The following COG5 variants were observed in gnomAD, a reference collection of about 807,000 sequenced individuals.
The protein encoded by COG5 is component of oligomeric golgi complex 5, also known as conserved oligomeric Golgi complex subunit 5.
A neutral mutation model predicts 110.4 loss-of-function variants in COG5; 86 were observed. That is an observed-to-expected ratio of 0.78 (90% CI 0.65 to 0.93). The LOEUF (loss-of-function observed/expected upper bound fraction) is 0.93, where lower values mean the gene tolerates loss of function less well. Among genes scored for constraint, COG5 ranks in the 40% least tolerant of loss-of-function variants. The probability of loss-of-function intolerance (pLI) is 0.00; values close to 1 mark genes in which losing one functional copy is unlikely to be tolerated. For missense variants in COG5, 1,077 were observed against 987.0 expected (o/e 1.09, Z -1.22); for synonymous variants, 360 against 334.6 (o/e 1.08, Z -0.83).
intron 18 of COG5, 147 bp downstream of exon 18, chr7:107,236,303 T>C: frequency 3.1e-6 from 2 of 640,976 alleles, no homozygotes; most frequent in Non-Finnish European, 5.5e-6. Context: ...AACTCTCCCT[T>C]TTTTTTTTTA....
At chr7:107,494,091 T>G (rs1430563120) in intron 6 of COG5, among the ~76,000 whole-genome samples, 1 of 152,086 alleles carries the variant, frequency 6.6e-6, no homozygotes, top group Non-Finnish European at 1.5e-5. Context: ...TACAGAAATT[T>G]TATATACATA....
intron 14 of COG5, among the ~76,000 whole-genome samples, chr7:107,272,612 G>A (rs1804368810): frequency 6.6e-6 from 1 of 152,060 alleles, no homozygotes; most frequent in African/African-American, 2.4e-5. Context: ...ACTTGCAAAT[G>A]GAACTAAGTT....
At chr7:107,376,487 CTT>C (rs1298910310) in intron 7 of COG5, among the ~76,000 whole-genome samples, 1 of 151,644 alleles carries the variant, frequency 6.6e-6, no homozygotes, top group African/African-American at 2.4e-5. Flanking sequence ...GTGAAAAAGT[CTT>C]ATATATCTTT....
At chr7:107,343,911 AATGTTCAG>A (rs1250077352) in intron 10 of COG5, among the ~76,000 whole-genome samples, 1 of 151,998 alleles carries the variant, frequency 6.6e-6, no homozygotes, top group Non-Finnish European at 1.5e-5. Context: ...GTAGGCTTAA[AATGTTCAG>A]CATACCACAC....
At chr7:107,310,925 A>G (rs959004798) in intron 11 of COG5, among the ~76,000 whole-genome samples, 1 of 145,418 alleles carries the variant, frequency 6.9e-6, no homozygotes, top group African/African-American at 2.6e-5. Flanking sequence ...GCACATATGT[A>G]AAAAAAAAAA....
chr7:107,531,270 T>C (rs539272240), intron 5 of COG5, among the ~76,000 whole-genome samples: 5 of 152,298 alleles, frequency 3.3e-5, no homozygotes, highest in African/African-American at 1.2e-4. Context: ...AGTAGTTGGA[T>C]GCGGGCAGCT....
At chr7:107,485,360 GCTAA>G (rs1390698685) in intron 6 of COG5, among the ~76,000 whole-genome samples, 1 of 152,122 alleles carries the variant, frequency 6.6e-6, no homozygotes, top group African/African-American at 2.4e-5. Context: ...TACAATAAGA[GCTAA>G]CTGTGTTCTG....
intron 6 of COG5, among the ~76,000 whole-genome samples, chr7:107,441,148 A>G (rs1192947604): frequency 2.0e-5 from 3 of 149,192 alleles, no homozygotes; most frequent in Non-Finnish European, 3.0e-5. Flanking sequence ...CCAGCTACTC[A>G]GGAGGCTGAG....
intron 3 of COG5, among the ~76,000 whole-genome samples, chr7:107,548,601 G>A (rs1236081350): frequency 6.6e-6 from 1 of 152,188 alleles, no homozygotes; most frequent in Non-Finnish European, 1.5e-5. Context: ...TGATGGAAAA[G>A]TTATGGACCT....
chr7:107,297,684 T>C (rs942916376), intron 12 of COG5, among the ~76,000 whole-genome samples: 9 of 152,172 alleles, frequency 5.9e-5, no homozygotes, highest in African/African-American at 2.2e-4. Flanking sequence ...CCTGACCTAG[T>C]GATCCACTCT....
chr7:107,244,123 G>A (rs772539997), intron 17 of COG5, among the ~76,000 whole-genome samples: 17 of 151,730 alleles, frequency 1.1e-4, no homozygotes, highest in African/African-American at 3.9e-4. Flanking sequence ...GGGGTGGTGC[G>A]GGCCTGTAAT....
At chr7:107,544,299 C>T (rs924970884) in intron 5 of COG5, among the ~76,000 whole-genome samples, 2 of 152,178 alleles carry the variant, frequency 1.3e-5, no homozygotes, top group South Asian at 4.1e-4. Flanking sequence ...GTGCCAGCAA[C>T]TGGTTGGCTC....
At chr7:107,264,550 G>C (rs1031368910) in intron 14 of COG5, among the ~76,000 whole-genome samples, 1 of 151,966 alleles carries the variant, frequency 6.6e-6, no homozygotes, top group Admixed American at 6.6e-5. Flanking sequence ...AAATTAGCCA[G>C]GTGTGGTGGT....
chr7:107,235,682 G>A (rs1265537611), intron 18 of COG5, among the ~76,000 whole-genome samples: 5 of 152,188 alleles, frequency 3.3e-5, no homozygotes, highest in African/African-American at 7.2e-5. Context: ...CAACCTGGGC[G>A]ACAGAGCAAG....
At chr7:107,340,782 A>G (rs1811111527) in intron 10 of COG5, among the ~76,000 whole-genome samples, 1 of 152,210 alleles carries the variant, frequency 6.6e-6, no homozygotes, top group Non-Finnish European at 1.5e-5. Context: ...AACAAAAACC[A>G]TATGATCATC....
At chr7:107,298,076 AAG>A in intron 12 of COG5, 64 bp downstream of exon 12, 1 of 709,620 alleles carries the variant, frequency 1.4e-6, no homozygotes, top group Non-Finnish European at 2.1e-6. Context: ...ATAAAAATAA[AAG>A]ATAAAATTTA....
chr7:107,432,153 C>A (rs2129080420), intron 6 of COG5, among the ~76,000 whole-genome samples: 1 of 152,196 alleles, frequency 6.6e-6, no homozygotes, highest in East Asian at 1.9e-4. Flanking sequence ...CTTATTTTGA[C>A]CATATCCTAT....
At chr7:107,235,148 T>A (rs1442880765) in intron 18 of COG5, among the ~76,000 whole-genome samples, 4 of 152,166 alleles carry the variant, frequency 2.6e-5, no homozygotes, top group African/African-American at 7.2e-5. Context: ...AAAGTTTAGG[T>A]TTGTGTTACC....
chr7:107,348,719 C>A (rs1425364915), intron 10 of COG5, among the ~76,000 whole-genome samples: 1 of 152,138 alleles, frequency 6.6e-6, no homozygotes, highest in East Asian at 1.9e-4. Context: ...ATTTACTTTA[C>A]CATCTTCATT....
Sources: gnomAD v4.1 joint callset for allele counts (sites outside exome capture counted in the v4.1 genomes callset) on GRCh38, gnomAD v4.1.1 for gene constraint, MANE v1.5 for transcripts, NCBI Gene and HGNC (gene_info 2026-07-23, HGNC 2026-07-21) for gene names.